The following THSD7A variants were observed in gnomAD, a reference collection of about 807,000 sequenced individuals.
THSD7A encodes the protein thrombospondin type-1 domain-containing protein 7A.
In THSD7A, 96 loss-of-function variants were observed where a neutral mutation model predicts 231.3. The observed-to-expected ratio is 0.41, with a 90% CI of 0.35 to 0.49. The LOEUF (loss-of-function observed/expected upper bound fraction) is 0.49, where lower values mean the gene tolerates loss of function less well. Ranked by LOEUF, THSD7A falls within the 20% of genes least tolerant of loss-of-function variation. THSD7A has a pLI of 0.05. For synonymous variants in THSD7A, 940 were observed against 743.3 expected, an observed-to-expected ratio of 1.26 and a Z score of -4.30; for missense variants, 2,290 against 2,070.2, an observed-to-expected ratio of 1.11 and a Z score of -2.06.
intron 1 of THSD7A, among the ~76,000 whole-genome samples, chr7:11,671,604 GT>G (rs1161022086): frequency 2.0e-5 from 3 of 151,992 alleles, no homozygotes; most frequent in Non-Finnish European, 4.4e-5. Context: ...CTTTGTTGTT[GT>G]TTTTGTTTTC....
At chr7:11,759,140 A>G (rs1562534026) in intron 1 of THSD7A, among the ~76,000 whole-genome samples, 1 of 152,100 alleles carries the variant, frequency 6.6e-6, no homozygotes, top group Admixed American at 6.6e-5. Context: ...GAAAGGAGCA[A>G]CCATGAGTGA....
At position 11,695,185 on chromosome 7, in the gene THSD7A, T is replaced by C. The variant is rs900872474; in HGVS notation, c.191-58224A>G. ...TCTTTCATCACAGAATTATGTCTCC[T>C]GTTCATCTCTTGCTGACCATAATAC... On this transcript the variant is annotated intron_variant, in intron 1 of 27. Transcript: ENST00000423059. Among the ~76,000 whole-genome samples the C allele has an allele frequency of 1.8e-4, 28 of 151,652 alleles. 1 individual carries two copies. The highest frequency in any genetic ancestry group is 1.4e-3 in the Admixed American group (22 of 15,178).
Position 11,705,508 on chromosome 7 carries a change from C to A in THSD7A, c.191-68547G>T, listed in dbSNP as rs187687199. Among the ~76,000 whole-genome samples, 7 of 151,060 alleles carry A rather than the reference C, an allele frequency of 4.6e-5. No homozygotes were observed. In the East Asian group the frequency reaches 1.4e-3, roughly 30 times the overall value. ...TTCTCTGTGTCTTCTATTTGCTCTT[C>A]ACTCTCCTTTCTGTCAGCCTATTGC... On this transcript the variant is annotated intron_variant, in intron 1 of 27. Coordinates refer to ENST00000423059, the MANE Select transcript of THSD7A (RefSeq NM_015204.3).
chr7:11,752,899 C>A (rs112229481), intron 1 of THSD7A, among the ~76,000 whole-genome samples: 125 of 151,154 alleles, frequency 8.3e-4, no homozygotes, highest in African/African-American at 3.0e-3. Flanking sequence ...GCATTCCAGC[C>A]TGGCCAACAA....
chr7:11,781,633 A>C (rs1211361483), intron 1 of THSD7A, among the ~76,000 whole-genome samples: 3 of 152,158 alleles, frequency 2.0e-5, no homozygotes, highest in Non-Finnish European at 4.4e-5. Flanking sequence ...GTTGGTCCTA[A>C]ATTAGAAAGA....
chr7:11,518,598 A>ACACACACAC (rs1788132718), intron 6 of THSD7A, among the ~76,000 whole-genome samples: 1 of 150,064 alleles, frequency 6.7e-6, no homozygotes, highest in African/African-American at 2.5e-5. Context: ...ATAAAATAGA[A>ACACACACAC]ACACACACAC....
intron 2 of THSD7A, among the ~76,000 whole-genome samples, chr7:11,597,358 G>C (rs905890418): frequency 1.3e-5 from 2 of 152,198 alleles, no homozygotes; most frequent in African/African-American, 2.4e-5. Flanking sequence ...TGGTGTGTTA[G>C]TCTGGCCCAT....
intron 1 of THSD7A, among the ~76,000 whole-genome samples, chr7:11,717,017 A>G (rs1781161759): frequency 2.0e-5 from 3 of 151,644 alleles, no homozygotes; most frequent in African/African-American, 7.3e-5. Context: ...CTTCCTTCTG[A>G]AAACAGCTCA....
At chr7:11,589,643 T>A (rs1056712090) in intron 4 of THSD7A, among the ~76,000 whole-genome samples, 1 of 152,174 alleles carries the variant, frequency 6.6e-6, no homozygotes, top group Non-Finnish European at 1.5e-5. Context: ...ATTGTATATG[T>A]TAATATACGT....
intron 1 of THSD7A, among the ~76,000 whole-genome samples, chr7:11,692,451 T>C (rs1332419538): frequency 2.6e-5 from 4 of 151,606 alleles, no homozygotes; most frequent in Non-Finnish European, 5.9e-5. Context: ...TTTAAAATAC[T>C]GTTGTTTTGG....
At chr7:11,477,972 A>C (rs183449766) in intron 7 of THSD7A, among the ~76,000 whole-genome samples, 90 of 152,284 alleles carry the variant, frequency 5.9e-4, no homozygotes, top group African/African-American at 2.1e-3. Context: ...CATGAATTCA[A>C]ATAAATTAAT....
intron 2 of THSD7A, among the ~76,000 whole-genome samples, chr7:11,600,297 A>C (rs1780505066): frequency 6.6e-6 from 1 of 152,212 alleles, no homozygotes; most frequent in Admixed American, 6.5e-5. Flanking sequence ...CCACTTTTCT[A>C]TTCAAACTTT....
chr7:11,536,629 T>A, intron 6 of THSD7A, among the ~76,000 whole-genome samples: 1 of 152,182 alleles, frequency 6.6e-6, no homozygotes, highest in African/African-American at 2.4e-5. Flanking sequence ...GGAATGGTTT[T>A]AGGAGCTCAA....
intron 1 of THSD7A, among the ~76,000 whole-genome samples, chr7:11,725,094 G>A (rs1273970291): frequency 6.6e-6 from 1 of 151,864 alleles, no homozygotes; most frequent in East Asian, 1.9e-4. Flanking sequence ...AGCTAAATAA[G>A]ATTCATTCAA....
intron 1 of THSD7A, among the ~76,000 whole-genome samples, chr7:11,688,453 G>A (rs985115404): frequency 2.0e-5 from 3 of 151,798 alleles, no homozygotes; most frequent in Admixed American, 6.6e-5. Context: ...CACCAAGAGT[G>A]CATATAATCA....
intron 1 of THSD7A, among the ~76,000 whole-genome samples, chr7:11,785,118 C>G (rs1345116654): frequency 6.6e-6 from 1 of 152,104 alleles, no homozygotes; most frequent in Non-Finnish European, 1.5e-5. Flanking sequence ...TGCAAAAGTT[C>G]AAGACCCTGA....
chr7:11,707,126 T>G (rs1780794180), intron 1 of THSD7A, among the ~76,000 whole-genome samples: 1 of 150,758 alleles, frequency 6.6e-6, no homozygotes, highest in Non-Finnish European at 1.5e-5. Context: ...AATGAGATAT[T>G]CCTTTCTCTC....
chr7:11,502,153 CA>C (rs948694020), intron 6 of THSD7A, among the ~76,000 whole-genome samples: 2 of 151,898 alleles, frequency 1.3e-5, no homozygotes, highest in Non-Finnish European at 2.9e-5. Context: ...CTACTAAAAA[CA>C]ACAACAAAAA....
At chr7:11,429,706 T>C (rs1262826172) in intron 13 of THSD7A, among the ~76,000 whole-genome samples, 1 of 152,246 alleles carries the variant, frequency 6.6e-6, no homozygotes, top group Non-Finnish European at 1.5e-5. Context: ...TCACATCTTA[T>C]ATCCATTTGA....
Sources: gnomAD v4.1 joint callset for allele counts (sites outside exome capture counted in the v4.1 genomes callset) on GRCh38, gnomAD v4.1.1 for gene constraint, MANE v1.5 for transcripts, NCBI Gene and HGNC (gene_info 2026-07-23, HGNC 2026-07-21) for gene names.